The following DOP1B variants were observed in gnomAD, a reference collection of about 807,000 sequenced individuals.
DOP1B encodes DOP1 leucine zipper like protein B.
Under a neutral mutation model 233.5 loss-of-function variants are expected in DOP1B, and 174 were observed. That is an observed-to-expected ratio of 0.75 (90% CI 0.66 to 0.85). DOP1B has a LOEUF of 0.85. Ranked by LOEUF, DOP1B falls within the 40% of genes least tolerant of loss-of-function variation. DOP1B has a pLI of 0.00. For missense variants in DOP1B, 2,652 were observed against 2,846.6 expected (o/e 0.93, Z 1.56); for synonymous variants, 1,190 against 1,185.6 (o/e 1.00, Z -0.08).
chr21:36,215,874 A>G (rs1240435050), intron 9 of DOP1B, among the ~76,000 whole-genome samples: 1 of 84,282 alleles, frequency 1.2e-5, no homozygotes, highest in African/African-American at 4.5e-5. Context: ...TTAGCTGGGC[A>G]TGGTGGCGCG....
intron 1 of DOP1B, among the ~76,000 whole-genome samples, chr21:36,158,303 A>G (rs1274353750): frequency 6.6e-6 from 1 of 152,204 alleles, no homozygotes; most frequent in East Asian, 1.9e-4. Context: ...TTGCAAGATC[A>G]TTGGCAAAAG....
At chr21:36,191,604 A>C (rs780242253) in intron 2 of DOP1B, among the ~76,000 whole-genome samples, 3 of 152,146 alleles carry the variant, frequency 2.0e-5, no homozygotes, top group Non-Finnish European at 4.4e-5. Context: ...TGGCCAACAT[A>C]GTGAAACCTC....
chr21:36,219,932 G>C (rs2066605926), intron 10 of DOP1B, among the ~76,000 whole-genome samples: 1 of 151,746 alleles, frequency 6.6e-6, no homozygotes, highest in African/African-American at 2.4e-5. Flanking sequence ...AGGAGTCCAG[G>C]GGGTGTTGGG....
intron 32 of DOP1B, among the ~76,000 whole-genome samples, chr21:36,284,811 A>C (rs2067464236): frequency 6.6e-6 from 1 of 151,046 alleles, no homozygotes; most frequent in South Asian, 2.1e-4. Flanking sequence ...TATATAAAAA[A>C]CATGTTTTAC....
At chr21:36,229,917 C>T (rs1418819851) in intron 13 of DOP1B, among the ~76,000 whole-genome samples, 4 of 152,160 alleles carry the variant, frequency 2.6e-5, no homozygotes, top group Middle Eastern at 3.2e-3. Context: ...CCCACCTCAT[C>T]CTCCCAAAGT....
At chr21:36,164,962 G>C (rs921719437) in intron 2 of DOP1B, 91 bp downstream of exon 2, 2 of 1,123,500 alleles carry the variant, frequency 1.8e-6, no homozygotes, top group Non-Finnish European at 2.3e-6. Flanking sequence ...TATATTATTT[G>C]TATTTTATAA....
chr21:36,188,318 G>A (rs913651204), intron 2 of DOP1B, among the ~76,000 whole-genome samples: 18 of 152,264 alleles, frequency 1.2e-4, no homozygotes, highest in African/African-American at 4.3e-4. Context: ...GTGGAACCCC[G>A]ACTCCCTGAG....
chr21:36,200,473 C>CT lies in DOP1B; in HGVS notation c.465dup (p.Glu156Ter). ...CTTCATCGTGGGCCTGCTGCCCGGC[C>CT]TTGAAGAGGGCTCCGAGATCTCCGA... On this transcript the variant is annotated frameshift_variant, in exon 4 of 37. Transcript: ENST00000691173. LOFTEE classifies it high-confidence loss of function. 2 of 1,611,132 alleles carry CT rather than the reference C, an allele frequency of 1.2e-6. No homozygotes were observed. The highest frequency in any genetic ancestry group is 1.7e-6 in the Non-Finnish European group (2 of 1,179,408).
In DOP1B at chr21:36,256,769, A is replaced by G. The variant is rs541051468; in HGVS notation, c.5259+2860A>G. Among the ~76,000 whole-genome samples the G allele has an allele frequency of 4.6e-5, 7 of 152,226 alleles. No individual in the cohort carries two copies. The East Asian group carries it at 5.8e-4, about 13-fold the overall frequency. ...CTAACACAGTTCTATATCTGGAAAA[A>G]AAAAAACAACTGTGTCCTCACTCAA... On this transcript the variant is annotated intron_variant, in intron 23 of 36. Transcript: ENST00000691173.
At chr21:36,213,934 A>G in intron 7 of DOP1B, 147 bp from the exon 8 acceptor site, 1 of 629,196 alleles carries the variant, frequency 1.6e-6, no homozygotes, top group Non-Finnish European at 2.7e-6. Context: ...AGAAGAAGAA[A>G]ATCTGACGTG....
chr21:36,212,150 G>T, intron 7 of DOP1B, 53 bp downstream of exon 7: 1 of 1,499,060 alleles, frequency 6.7e-7, no homozygotes, highest in South Asian at 1.3e-5. Context: ...AAACCTTTTA[G>T]TGCTGACTTC....
chr21:36,282,790 A>G (rs2067433007), intron 32 of DOP1B, among the ~76,000 whole-genome samples: 1 of 152,030 alleles, frequency 6.6e-6, no homozygotes, highest in Admixed American at 6.6e-5. Flanking sequence ...AGCCTGCCCA[A>G]TGTGGTAAAA....
At chr21:36,172,121 A>C (rs2065976438) in intron 2 of DOP1B, among the ~76,000 whole-genome samples, 1 of 152,092 alleles carries the variant, frequency 6.6e-6, no homozygotes, top group African/African-American at 2.4e-5. Flanking sequence ...TGGGAAGGGG[A>C]CAGGAGTAGC....
At chr21:36,239,744 C>T in intron 17 of DOP1B, 21 bp from the exon 18 acceptor site, 3 of 1,515,500 alleles carry the variant, frequency 2.0e-6, no homozygotes, top group Non-Finnish European at 1.8e-6. Context: ...AGTGAACTCA[C>T]TGGTGTGTTT....
intron 1 of DOP1B, among the ~76,000 whole-genome samples, chr21:36,158,602 A>AG (rs2065841541): frequency 6.6e-6 from 1 of 152,042 alleles, no homozygotes; most frequent in Admixed American, 6.6e-5. Flanking sequence ...CAGGAGATCA[A>AG]GACCATCCTG....
At chr21:36,251,980 C>A (rs969179509) in intron 22 of DOP1B, among the ~76,000 whole-genome samples, 1 of 152,066 alleles carries the variant, frequency 6.6e-6, no homozygotes, top group Admixed American at 6.6e-5. Flanking sequence ...ACGGGCAGAT[C>A]GCTTGAGTCT....
chr21:36,271,087 T>C (rs990523473), intron 27 of DOP1B, among the ~76,000 whole-genome samples: 1 of 150,760 alleles, frequency 6.6e-6, no homozygotes, highest in Non-Finnish European at 1.5e-5. Context: ...GTCAGTTATA[T>C]CTAATTAAAA....
intron 35 of DOP1B, among the ~76,000 whole-genome samples, chr21:36,290,069 G>A (rs12152074): frequency 6.6e-6 from 1 of 152,136 alleles, no homozygotes; most frequent in South Asian, 2.1e-4. Context: ...CAGTGAGTCA[G>A]TAGAGGCTCT....
intron 10 of DOP1B, among the ~76,000 whole-genome samples, chr21:36,220,285 T>A (rs2066610351): frequency 6.6e-6 from 1 of 152,176 alleles, no homozygotes; most frequent in Non-Finnish European, 1.5e-5. Context: ...TTTTTCTGAG[T>A]ATGAAAGTAA....
Sources: gnomAD v4.1 joint callset for allele counts (sites outside exome capture counted in the v4.1 genomes callset) on GRCh38, gnomAD v4.1.1 for gene constraint, MANE v1.5 for transcripts, NCBI Gene and HGNC (gene_info 2026-07-23, HGNC 2026-07-21) for gene names.